CRADD: variants seen among roughly 807,000 people sequenced by gnomAD.
CRADD encodes death domain-containing protein CRADD.
A neutral mutation model predicts 15.5 loss-of-function variants in CRADD; 9 were observed. The ratio of observed to expected loss-of-function variants is 0.58; its 90% CI spans 0.35 to 1.01. The LOEUF is 1.01. Ranked by LOEUF, CRADD falls within the 50% of genes least tolerant of loss-of-function variation. CRADD has a pLI of 0.02. For missense variants in CRADD, 227 were observed against 250.3 expected (o/e 0.91, Z 0.63); for synonymous variants, 118 against 107.6 (o/e 1.10, Z -0.60).
chr12:93,818,114 T>G (rs767266973), intron 2 of CRADD, among the ~76,000 whole-genome samples: 2 of 152,002 alleles, frequency 1.3e-5, no homozygotes, highest in Non-Finnish European at 2.9e-5. Flanking sequence ...AGAACACCTG[T>G]TTGTTAATGG....
At chr12:93,877,497 T>C (rs1438599360) in intron 2 of CRADD, among the ~76,000 whole-genome samples, 1 of 152,210 alleles carries the variant, frequency 6.6e-6, no homozygotes, top group Non-Finnish European at 1.5e-5. Flanking sequence ...CTTAGAAGTC[T>C]ATCTGGTATT....
chr12:93,864,944 G>T (rs1045550131), intron 2 of CRADD, among the ~76,000 whole-genome samples: 18 of 152,188 alleles, frequency 1.2e-4, no homozygotes, highest in African/African-American at 4.3e-4. Context: ...TGAGTGCTTA[G>T]AACAGTGTCA....
chr12:93,776,069 A>G (rs781770195), intron 2 of CRADD, among the ~76,000 whole-genome samples: 3 of 152,170 alleles, frequency 2.0e-5, no homozygotes, highest in Non-Finnish European at 4.4e-5. Flanking sequence ...CACACAATAT[A>G]TCCTCTTTTA....
At chr12:93,807,630 A>AAATCTATGAG (rs1957554550) in intron 2 of CRADD, among the ~76,000 whole-genome samples, 1 of 152,144 alleles carries the variant, frequency 6.6e-6, no homozygotes, top group Non-Finnish European at 1.5e-5. Context: ...GAAAATAAAC[A>AAATCTATGAG]AATCTATGAG....
intron 2 of CRADD, among the ~76,000 whole-genome samples, chr12:93,763,802 C>T (rs566211054): frequency 1.3e-5 from 2 of 152,268 alleles, no homozygotes; most frequent in Admixed American, 1.3e-4. Flanking sequence ...ACTCCAGGGT[C>T]CCCCCATCTC....
At chr12:93,817,959 G>A (rs927635834) in intron 2 of CRADD, among the ~76,000 whole-genome samples, 4 of 152,230 alleles carry the variant, frequency 2.6e-5, no homozygotes, top group Non-Finnish European at 5.9e-5. Flanking sequence ...GTGCAGCGGT[G>A]CCTTGTGGAT....
intron 2 of CRADD, among the ~76,000 whole-genome samples, chr12:93,873,382 G>C (rs2137067875): frequency 6.6e-6 from 1 of 152,098 alleles, no homozygotes; most frequent in South Asian, 2.1e-4. Context: ...TTCCTTTCCA[G>C]TTTGGATGAC....
intron 2 of CRADD, among the ~76,000 whole-genome samples, chr12:93,839,967 G>T (rs752714168): frequency 2.0e-5 from 3 of 152,200 alleles, no homozygotes; most frequent in Non-Finnish European, 2.9e-5. Flanking sequence ...AGGCCATAAA[G>T]ATACTCCTGC....
At chr12:93,704,589 T>G (rs1376590394) in intron 2 of CRADD, among the ~76,000 whole-genome samples, 1 of 152,234 alleles carries the variant, frequency 6.6e-6, no homozygotes, top group Non-Finnish European at 1.5e-5. Flanking sequence ...CCACATGTAC[T>G]TTCCCGTAAA....
At chr12:93,740,694 T>A (rs914561128) in intron 2 of CRADD, among the ~76,000 whole-genome samples, 2 of 152,178 alleles carry the variant, frequency 1.3e-5, no homozygotes, top group African/African-American at 4.8e-5. Flanking sequence ...TCTCTGGTAA[T>A]CTTTTAAAAA....
intron 2 of CRADD, among the ~76,000 whole-genome samples, chr12:93,818,273 A>ATTATTGCTGAAAATCTAATT (rs948091592): frequency 1.3e-5 from 2 of 152,206 alleles, no homozygotes; most frequent in Non-Finnish European, 2.9e-5. Context: ...GGAGACTTAG[A>ATTATTGCTGAAAATCTAATT]TTATTGCTGA....
At chr12:93,783,685 C>G (rs1014995520) in intron 2 of CRADD, among the ~76,000 whole-genome samples, 3 of 152,014 alleles carry the variant, frequency 2.0e-5, no homozygotes, top group Admixed American at 2.0e-4. Context: ...TCTTCAAAAG[C>G]TTATATTTGA....
chr12:93,698,318 T>C (rs936475691), intron 2 of CRADD, among the ~76,000 whole-genome samples: 1 of 152,162 alleles, frequency 6.6e-6, no homozygotes, highest in Admixed American at 6.5e-5. Flanking sequence ...TCTTATGTGA[T>C]GCCAAAAAAA....
chr12:93,871,162 C>T (rs186565254), intron 2 of CRADD, among the ~76,000 whole-genome samples: 6 of 152,272 alleles, frequency 3.9e-5, no homozygotes, highest in South Asian at 2.1e-4. Context: ...TTTAACCTAA[C>T]GACTTAATAT....
chr12:93,817,961 C>G (rs928402300), intron 2 of CRADD, among the ~76,000 whole-genome samples: 1 of 152,212 alleles, frequency 6.6e-6, no homozygotes, highest in Admixed American at 6.5e-5. Context: ...GCAGCGGTGC[C>G]TTGTGGATGG....
At chr12:93,846,569 C>T (rs1421763373) in intron 2 of CRADD, 3 of 144,928 alleles carry the variant, frequency 2.1e-5, no homozygotes, top group African/African-American at 2.5e-5. Context: ...CACAATACAA[C>T]GTTAAAACCA....
intron 2 of CRADD, among the ~76,000 whole-genome samples, chr12:93,829,565 C>T (rs1565930029): frequency 6.6e-6 from 1 of 152,146 alleles, no homozygotes; most frequent in African/African-American, 2.4e-5. Flanking sequence ...ACTGGACAGG[C>T]CAAATGAAAC....
rs969372368 is a variant in CRADD, at chr12:93,769,480, A to G, written c.299-80490A>G. Among the ~76,000 whole-genome samples the G allele has an allele frequency of 3.9e-5, 6 of 152,220 alleles. No individual in the cohort carries two copies. In the East Asian group the frequency reaches 9.6e-4, roughly 24 times the overall value. On this transcript the variant is annotated intron_variant, in intron 2 of 2. Transcript: ENST00000332896. ...CATTCTTGTACATGTCTTTTGGCAT[A>G]CGTGTGCAGTTTTAAAGTTGTTCAT... is the stretch of plus-strand genomic sequence containing the variant.
At chr12:93,793,203 C>A (rs17021577) in intron 2 of CRADD, among the ~76,000 whole-genome samples, 11,352 of 152,178 alleles carry the variant, frequency 0.075, 571 homozygotes, top group African/African-American at 0.14. Context: ...TCAGCATATG[C>A]GTTCCACATC....
Sources: allele counts gnomAD v4.1 joint callset (sites outside exome capture counted in the v4.1 genomes callset), GRCh38; gene constraint gnomAD v4.1.1; transcripts MANE v1.5; gene names NCBI Gene and HGNC (gene_info 2026-07-23, HGNC 2026-07-21).